The following INTS7 variants were observed in gnomAD, a reference collection of about 807,000 sequenced individuals.
The protein encoded by INTS7 is integrator complex subunit 7, also known as chromosome 1 open reading frame 73.
INTS7 carries 46 observed loss-of-function variants against 109.2 expected under a neutral mutation model. The observed-to-expected ratio is 0.42, with a 90% CI of 0.33 to 0.54. The LOEUF is 0.54. Ranked by LOEUF, INTS7 falls within the 20% of genes least tolerant of loss-of-function variation. INTS7 has a pLI of 0.07. For synonymous variants in INTS7, 412 were observed against 402.9 expected, an observed-to-expected ratio of 1.02 and a Z score of -0.27; for missense variants, 929 against 1,132.4, an observed-to-expected ratio of 0.82 and a Z score of 2.58.
chr1:211,964,276 T>C (rs1391090915), intron 16 of INTS7, among the ~76,000 whole-genome samples: 1 of 151,728 alleles, frequency 6.6e-6, no homozygotes, highest in Non-Finnish European at 1.5e-5. Context: ...GGAATACAGC[T>C]AACTGGGGAG....
chr1:212,022,848 G>C (rs908178871), intron 1 of INTS7, among the ~76,000 whole-genome samples: 1 of 152,116 alleles, frequency 6.6e-6, no homozygotes, highest in African/African-American at 2.4e-5. Flanking sequence ...CCATTACCCA[G>C]GTAGTGAGCA....
Position 212,013,655 on chromosome 1 carries a change from G to A in INTS7, c.510-2234C>T, listed in dbSNP as rs541764108. 3.3e-5 allele frequency among the ~76,000 whole-genome samples: 5 copies of A among 152,236 alleles called. No homozygotes were observed. In the South Asian group the frequency reaches 1.0e-3, roughly 32 times the overall value. ...TTCCAGTCCTGCAAGCTCCATTCAT[G>A]GTAAGTGCCCTATACAGGAATACCA... On this transcript the variant is annotated intron_variant, in intron 4 of 19. Coordinates refer to ENST00000366994, the MANE Select transcript of INTS7 (RefSeq NM_015434.4).
chr1:211,943,305 G>A (rs1662712230), intron 19 of INTS7, among the ~76,000 whole-genome samples: 1 of 151,612 alleles, frequency 6.6e-6, no homozygotes, highest in Non-Finnish European at 1.5e-5. Context: ...CCTCTTGAGA[G>A]GTAGGTCAAC....
chr1:211,958,081 A>C (rs921137826), intron 16 of INTS7, among the ~76,000 whole-genome samples: 2 of 140,622 alleles, frequency 1.4e-5, no homozygotes, highest in South Asian at 2.2e-4. Flanking sequence ...AAAAAAAAAA[A>C]CAAAAACATT....
intron 7 of INTS7, among the ~76,000 whole-genome samples, chr1:212,001,064 C>CT (rs71137715): frequency 0.071 from 8,662 of 122,716 alleles, 389 homozygotes; most frequent in South Asian, 0.17. Context: ...GGCAGAATTC[C>CT]TTTTTTTTTT....
chr1:211,966,718 G>A (rs1381533586), intron 15 of INTS7, among the ~76,000 whole-genome samples: 2 of 152,178 alleles, frequency 1.3e-5, no homozygotes, highest in African/African-American at 4.8e-5. Context: ...GTACTTCGGA[G>A]GCTACTACTG....
At chr1:211,943,385 A>G (rs527314983) in intron 19 of INTS7, among the ~76,000 whole-genome samples, 13 of 152,206 alleles carry the variant, frequency 8.5e-5, no homozygotes, top group Non-Finnish European at 1.6e-4. Flanking sequence ...GCAAGTAACA[A>G]AGAGAATCAT....
chr1:212,000,921 C>T (rs1665639200), intron 7 of INTS7, among the ~76,000 whole-genome samples: 1 of 152,170 alleles, frequency 6.6e-6, no homozygotes, highest in African/African-American at 2.4e-5. Context: ...CCACTCAAGG[C>T]CATTGCTGTT....
At position 211,944,918 on chromosome 1, in the gene INTS7, T is replaced by C; in HGVS notation, c.2467A>G (p.Asn823Asp). The stretch of plus-strand genomic sequence containing the variant: ...ACCTTTAGCGCCAGCTGCTGGTTAT[T>C]CTGGACAGCAATGGGCTCTGCAGGA... ...RNPAEPIAVQ[N>D]NQQLALKVEG... The change falls in exon 19 of 20, where the codon AAT becomes GAT. Residue 823 changes from asparagine to aspartate, a missense_variant. Asn to Asp is a conservative substitution (Grantham distance 23). This residue lies in a region of INTS7 where 787 missense variants were observed against 901.1 expected (regional missense o/e 0.87). Transcript: ENST00000366994. 2 of 1,614,178 alleles carry C rather than the reference T, an allele frequency of 1.2e-6. No homozygotes were observed. Among genetic ancestry groups the C allele is most frequent in the Non-Finnish European group, 1.7e-6 (2 of 1,180,010 alleles).
chr1:212,002,003 T>C (rs924454797), intron 7 of INTS7, among the ~76,000 whole-genome samples: 5 of 152,222 alleles, frequency 3.3e-5, no homozygotes, highest in Admixed American at 6.5e-5. Context: ...CAGGCATATG[T>C]CCTTGACATC....
Position 211,975,277 on chromosome 1 carries a change from A to G in INTS7, c.1704T>C (p.Phe568=), listed in dbSNP as rs770258409. 3.7e-6 allele frequency: 6 copies of G among 1,613,858 alleles called. No homozygotes were observed. The African/African-American group carries it at 6.7e-5, about 18-fold the overall frequency. Residue 568 remains phenylalanine (F), a synonymous_variant, in exon 13 of 20, where the codon TTT becomes TTC. Coordinates refer to ENST00000366994, the MANE Select transcript of INTS7 (RefSeq NM_015434.4). ...FYFWLNSLKE[F]SHAEQCLTGL... ...CAGTGAGACACTGTTCTGCATGTGA[A>G]AACTCCTTCAAACTATTTAGCCAGA... is the stretch of plus-strand genomic sequence containing the variant.
intron 7 of INTS7, among the ~76,000 whole-genome samples, chr1:211,998,085 A>G (rs1665491129): frequency 6.6e-6 from 1 of 152,200 alleles, no homozygotes; most frequent in African/African-American, 2.4e-5. Context: ...CAGTCTCCCA[A>G]GTAGCTAGGA....
At chr1:211,965,214 C>T (rs574385659) in intron 16 of INTS7, among the ~76,000 whole-genome samples, 12 of 151,618 alleles carry the variant, frequency 7.9e-5, no homozygotes, top group Admixed American at 5.3e-4. Flanking sequence ...CATCGCTGAT[C>T]ATTAGAGAAA....
intron 8 of INTS7, 148 bp from the exon 9 acceptor site, chr1:211,982,958 A>G (rs115079533): frequency 5.3e-6 from 3 of 563,870 alleles, no homozygotes; most frequent in African/African-American, 3.8e-5. Flanking sequence ...CTATCAATAC[A>G]TATCAGCATT....
intron 8 of INTS7, among the ~76,000 whole-genome samples, chr1:211,983,908 T>C (rs1057127605): frequency 4.6e-5 from 7 of 151,854 alleles, no homozygotes; most frequent in Non-Finnish European, 7.4e-5. Flanking sequence ...AGTGCAGTGG[T>C]GCGATCATGG....
At chr1:211,944,489 G>A (rs775757940) in intron 19 of INTS7, among the ~76,000 whole-genome samples, 8 of 152,148 alleles carry the variant, frequency 5.3e-5, no homozygotes, top group Non-Finnish European at 1.0e-4. Flanking sequence ...AGGGGTCTAC[G>A]GTTAGAAAGG....
chr1:212,018,760 C>A (rs915657706), intron 3 of INTS7, among the ~76,000 whole-genome samples: 1 of 152,130 alleles, frequency 6.6e-6, no homozygotes, highest in Admixed American at 6.5e-5. Flanking sequence ...TATAGACTCA[C>A]AACTCACTTT....
At chr1:212,015,044 G>A (rs904831397) in intron 4 of INTS7, among the ~76,000 whole-genome samples, 13 of 151,914 alleles carry the variant, frequency 8.6e-5, no homozygotes, top group Non-Finnish European at 1.2e-4. Context: ...CCATCTGGGA[G>A]GTGAGGAGCG....
At chr1:211,962,285 CAAG>C (rs1663669963) in intron 16 of INTS7, among the ~76,000 whole-genome samples, 1 of 101,966 alleles carries the variant, frequency 9.8e-6, no homozygotes, top group Non-Finnish European at 2.1e-5. Flanking sequence ...AAAAAAAAGA[CAAG>C]GGTATTACAT....
Sources: gnomAD v4.1 joint callset for allele counts (sites outside exome capture counted in the v4.1 genomes callset) on GRCh38, gnomAD v4.1.1 for gene constraint, gnomAD v4.1.1 regional missense constraint, MANE v1.5 for transcripts, NCBI Gene and HGNC (gene_info 2026-07-23, HGNC 2026-07-21) for gene names.